The following TNFRSF13B variants were observed in gnomAD, a reference collection of about 807,000 sequenced individuals.
The protein encoded by TNFRSF13B is TNF receptor superfamily member 13B, also known as tumor necrosis factor receptor superfamily member 13B.
In TNFRSF13B, 34 loss-of-function variants were observed where a neutral mutation model predicts 24.0. The observed-to-expected ratio is 1.41, with a 90% confidence interval of 1.08 to 1.88. The LOEUF is 1.88. Among genes scored for constraint, TNFRSF13B ranks in the 40% most tolerant of loss-of-function variants. The pLI is 0.00. For missense variants in TNFRSF13B, 415 were observed against 380.8 expected (o/e 1.09, Z -0.75); for synonymous variants, 173 against 150.3 (o/e 1.15, Z -1.10).
At chr17:16,971,675 A>C (rs934607748) in intron 1 of TNFRSF13B, among the ~76,000 whole-genome samples, 1 of 152,134 alleles carries the variant, frequency 6.6e-6, no homozygotes, top group Non-Finnish European at 1.5e-5. Context: ...TCCACAACTC[A>C]AACAATCTGG....
chr17:16,963,276 T>G (rs2087675733), intron 1 of TNFRSF13B, among the ~76,000 whole-genome samples: 1 of 152,076 alleles, frequency 6.6e-6, no homozygotes, highest in African/African-American at 2.4e-5. Context: ...TGATAAGGAG[T>G]GCTGTGCTGG....
At chr17:16,943,564 C>G (rs1443113163) in intron 3 of TNFRSF13B, among the ~76,000 whole-genome samples, 1 of 152,186 alleles carries the variant, frequency 6.6e-6, no homozygotes, top group African/African-American at 2.4e-5. Flanking sequence ...TCGCCACCAT[C>G]CAGGGGCAAC....
chr17:16,941,545 CG>C (rs1382567821), intron 3 of TNFRSF13B: 2 of 987,474 alleles, frequency 2.0e-6, no homozygotes, highest in Non-Finnish European at 2.4e-6. Flanking sequence ...CACTTCGTGC[CG>C]GGCACTTCCC....
chr17:16,948,467 C>T (rs919333729), intron 3 of TNFRSF13B, among the ~76,000 whole-genome samples: 3 of 152,256 alleles, frequency 2.0e-5, no homozygotes, highest in African/African-American at 4.8e-5. Context: ...TGTGCCTGTG[C>T]TTCAATGACT....
Position 16,939,210 on chromosome 17 carries a change from A to C in TNFRSF13B, c.*337T>G. 3.3e-5 allele frequency: 8 copies of C among 241,642 alleles called. No homozygotes were observed. The highest frequency in any genetic ancestry group is 4.8e-5 in the Non-Finnish European group (6 of 123,944). 15.0% of individuals were successfully genotyped at this position (241,642 alleles called of 1,614,324 possible). ...ATGACGACCTACAGCTGCACTGGGA[A>C]CTGGGACTCAGAGTGCCCCGACCTC... On this transcript the variant is annotated 3_prime_UTR_variant, in exon 5 of 5. Coordinates refer to ENST00000261652, the MANE Select transcript of TNFRSF13B (RefSeq NM_012452.3).
At chr17:16,941,130 CAAT>C in intron 3 of TNFRSF13B, 1 of 769,454 alleles carries the variant, frequency 1.3e-6, no homozygotes, top group Non-Finnish European at 1.6e-6. Flanking sequence ...TTAGGGATAA[CAAT>C]GAGAAAAAAT....
chr17:16,945,365 C>G lies in TNFRSF13B; in HGVS notation c.445+3373G>C, dbSNP rs549250422. Among the ~76,000 whole-genome samples, 4 of 152,330 alleles carry G rather than the reference C, an allele frequency of 2.6e-5. No homozygotes were observed. In the South Asian group the frequency reaches 8.3e-4, roughly 32 times the overall value. ...TGTCCCAGGGGCAACAGTTCACCGC[C>G]AAGGAGCAATAGCCTGCAGACGCCA... On this transcript the variant is annotated intron_variant, in intron 3 of 4. Coordinates refer to ENST00000261652, the MANE Select transcript of TNFRSF13B (RefSeq NM_012452.3).
intron 1 of TNFRSF13B, among the ~76,000 whole-genome samples, chr17:16,957,994 AT>A (rs372979104): frequency 1.1e-4 from 17 of 152,016 alleles, no homozygotes; most frequent in African/African-American, 3.6e-4. Context: ...TGTAACTCCT[AT>A]TTTTTTTCTA....
Position 16,940,342 on chromosome 17 carries a change from C to T in TNFRSF13B, c.615G>A (p.Pro205=), listed in dbSNP as rs778680726. 1.1e-5 allele frequency: 17 copies of T among 1,613,452 alleles called. No homozygotes were observed. Among genetic ancestry groups the T allele is most frequent in the Non-Finnish European group, 1.3e-5 (15 of 1,179,998 alleles). The change falls in exon 4 of 5, where the codon CCG becomes CCA. Residue 205 remains proline, a synonymous_variant. Transcript: ENST00000261652. The stretch of plus-strand genomic sequence containing the variant: ...TGCACTCACCCTGGGAAGACTTGGC[C>T]GGACTTTGACGGGGCCTTGAGCGGG... The part of the protein sequence containing the change: ...CQPRSRPRQS[P]AKSSQDHAME...
At chr17:16,961,773 A>G (rs2087664188) in intron 1 of TNFRSF13B, among the ~76,000 whole-genome samples, 1 of 152,240 alleles carries the variant, frequency 6.6e-6, no homozygotes, top group Non-Finnish European at 1.5e-5. Context: ...AAGTAAGCAG[A>G]AAATGGAGCA....
intron 1 of TNFRSF13B, among the ~76,000 whole-genome samples, chr17:16,965,625 G>T (rs1439177550): frequency 6.6e-6 from 1 of 152,172 alleles, no homozygotes. Flanking sequence ...CTCCCTGCCT[G>T]CATCTCCTCC....
chr17:16,967,753 A>T (rs1271992205), intron 1 of TNFRSF13B, among the ~76,000 whole-genome samples: 3 of 140,624 alleles, frequency 2.1e-5, no homozygotes, highest in African/African-American at 8.5e-5. Context: ...CTCCGTCTCA[A>T]AAAAAAAAAA....
intron 1 of TNFRSF13B, among the ~76,000 whole-genome samples, chr17:16,963,552 T>TTTTTGG (rs2087678002): frequency 6.8e-6 from 1 of 147,772 alleles, no homozygotes; most frequent in South Asian, 2.1e-4. Context: ...TTTGTTTTTG[T>TTTTTGG]TTTTTTGGTT....
At chr17:16,969,782 T>C (rs536453494) in intron 1 of TNFRSF13B, among the ~76,000 whole-genome samples, 14 of 152,186 alleles carry the variant, frequency 9.2e-5, no homozygotes, top group African/African-American at 3.4e-4. Flanking sequence ...TTTCAATACT[T>C]TCTGGGTTTC....
At chr17:16,964,343 T>TG (rs1025744559) in intron 1 of TNFRSF13B, among the ~76,000 whole-genome samples, 10 of 146,742 alleles carry the variant, frequency 6.8e-5, no homozygotes, top group African/African-American at 2.5e-4. Context: ...ATGCCTTTTT[T>TG]TTTTTTTTTT....
At chr17:16,949,293 C>T (rs141908026) in intron 2 of TNFRSF13B, among the ~76,000 whole-genome samples, 67 of 152,188 alleles carry the variant, frequency 4.4e-4, no homozygotes, top group Middle Eastern at 6.8e-3. Flanking sequence ...AGTTTCCAAA[C>T]GTATGAAGAT....
rs1597656885 is a variant in TNFRSF13B at position 16,940,452 on chromosome 17, G to A, written c.505C>T (p.Leu169Phe). 1.2e-6 allele frequency: 2 copies of A among 1,613,982 alleles called. No individual in the cohort carries two copies. Among genetic ancestry groups the A allele is most frequent in the Non-Finnish European group, 1.7e-6 (2 of 1,180,034 alleles). The change falls in exon 4 of 5, where the codon CTC becomes TTC. Residue 169 changes from leucine to phenylalanine, a missense_variant. Leu to Phe is a conservative substitution (Grantham distance 22). Transcript: ENST00000261652. ...QVALVYSTLGLCLCAVLCCFL... is the reference protein window; with the variant it reads ...QVALVYSTLGFCLCAVLCCFL... ...CAGCAGAGGACGGCACACAGGCAGA[G>A]CCCCAGCGTGCTGTAGACCAGGGCC...
chr17:16,965,958 A>G (rs1382859312), intron 1 of TNFRSF13B, among the ~76,000 whole-genome samples: 2 of 152,208 alleles, frequency 1.3e-5, no homozygotes, highest in Non-Finnish European at 2.9e-5. Flanking sequence ...CAGGCAAACA[A>G]AAAAACTTTT....
intron 1 of TNFRSF13B, among the ~76,000 whole-genome samples, chr17:16,952,935 T>C (rs896672349): frequency 3.3e-5 from 5 of 152,174 alleles, no homozygotes; most frequent in African/African-American, 1.2e-4. Context: ...TCACATGACG[T>C]GCCCTTCTCC....
Sources: gnomAD v4.1 joint callset for allele counts (sites outside exome capture counted in the v4.1 genomes callset) on GRCh38, gnomAD v4.1.1 for gene constraint, MANE v1.5 for transcripts, NCBI Gene and HGNC (gene_info 2026-07-23, HGNC 2026-07-21) for gene names.